IMMP2L: variants seen among roughly 807,000 people sequenced by gnomAD.
IMMP2L encodes inner mitochondrial membrane peptidase subunit 2.
IMMP2L carries 18 observed loss-of-function variants against 19.3 expected under a neutral mutation model. The ratio of observed to expected loss-of-function variants is 0.93; its 90% confidence interval spans 0.64 to 1.38. The LOEUF (loss-of-function observed/expected upper bound fraction) is 1.38. Among genes scored for constraint, IMMP2L ranks in the 40% most tolerant of loss-of-function variants. The pLI is 0.00. For synonymous variants in IMMP2L, 76 were observed against 73.0 expected (o/e 1.04, Z -0.21); for missense variants, 233 against 218.2 (o/e 1.07, Z -0.43).
At chr7:111,515,056 C>T (rs1323399189) in intron 2 of IMMP2L, among the ~76,000 whole-genome samples, 2 of 152,052 alleles carry the variant, frequency 1.3e-5, no homozygotes, top group Non-Finnish European at 2.9e-5. Context: ...TCTAGTTCGG[C>T]TAATGGTTGC....
At chr7:111,222,230 C>T (rs1812593638) in intron 3 of IMMP2L, among the ~76,000 whole-genome samples, 1 of 151,628 alleles carries the variant, frequency 6.6e-6, no homozygotes, top group Admixed American at 6.6e-5. Context: ...TTGATTAGAC[C>T]TAATGTGAAA....
chr7:111,553,433 T>A (rs1790911199), intron 1 of IMMP2L, among the ~76,000 whole-genome samples: 1 of 152,186 alleles, frequency 6.6e-6, no homozygotes, highest in Non-Finnish European at 1.5e-5. Flanking sequence ...ATAATGGGAA[T>A]CTCCAAAATA....
At chr7:110,679,999 A>T (rs897916062) in intron 5 of IMMP2L, among the ~76,000 whole-genome samples, 40 of 152,178 alleles carry the variant, frequency 2.6e-4, no homozygotes, top group African/African-American at 9.7e-4. Flanking sequence ...CATAGGGTCT[A>T]GTACAGGACA....
chr7:111,416,194 T>C (rs1002869164), intron 3 of IMMP2L, among the ~76,000 whole-genome samples: 2 of 151,792 alleles, frequency 1.3e-5, no homozygotes, highest in Non-Finnish European at 1.5e-5. Flanking sequence ...AAAGTACATA[T>C]TGAAACTTTA....
At chr7:111,547,055 T>G (rs1393484598) in intron 1 of IMMP2L, among the ~76,000 whole-genome samples, 2 of 152,154 alleles carry the variant, frequency 1.3e-5, no homozygotes, top group African/African-American at 4.8e-5. Flanking sequence ...AAGTTTTTCT[T>G]AATCTAAGGG....
At chr7:110,696,136 G>A (rs1195475626) in intron 5 of IMMP2L, among the ~76,000 whole-genome samples, 1 of 152,154 alleles carries the variant, frequency 6.6e-6, no homozygotes, top group Non-Finnish European at 1.5e-5. Context: ...AAGACACAGG[G>A]CATGTCACAT....
intron 3 of IMMP2L, among the ~76,000 whole-genome samples, chr7:111,184,327 A>G (rs1194820971): frequency 1.3e-5 from 2 of 152,018 alleles, no homozygotes; most frequent in Non-Finnish European, 2.9e-5. Context: ...TCCATCTAAA[A>G]TGACACCCTG....
chr7:111,148,024 G>A (rs982256114), intron 3 of IMMP2L, among the ~76,000 whole-genome samples: 5 of 151,936 alleles, frequency 3.3e-5, no homozygotes, highest in Non-Finnish European at 5.9e-5. Flanking sequence ...CAAGAGTACC[G>A]AAAACATATG....
intron 5 of IMMP2L, among the ~76,000 whole-genome samples, chr7:110,773,362 A>G (rs993997509): frequency 6.6e-6 from 1 of 152,168 alleles, no homozygotes; most frequent in Non-Finnish European, 1.5e-5. Flanking sequence ...CAAAAAATTC[A>G]GGTGTTAGAA....
intron 3 of IMMP2L, among the ~76,000 whole-genome samples, chr7:111,040,537 C>T (rs1258058384): frequency 2.0e-5 from 3 of 151,164 alleles, no homozygotes; most frequent in Non-Finnish European, 4.4e-5. Flanking sequence ...ATTGTATATC[C>T]TGAAAATCTT....
At chr7:110,886,784 T>C in intron 4 of IMMP2L, 89 bp from the exon 5 acceptor site, 1 of 631,220 alleles carries the variant, frequency 1.6e-6, no homozygotes, top group Non-Finnish European at 2.9e-6. Flanking sequence ...GAAAATATTA[T>C]ATAGATGTTA....
intron 3 of IMMP2L, among the ~76,000 whole-genome samples, chr7:111,146,197 T>C (rs1237145220): frequency 1.4e-5 from 2 of 144,040 alleles, no homozygotes; most frequent in South Asian, 2.2e-4. Flanking sequence ...GTGCTGTTCT[T>C]GTCAATATAA....
At chr7:110,802,323 ATGTGTGTATGTGTGTG>A (rs1450833906) in intron 5 of IMMP2L, among the ~76,000 whole-genome samples, 5 of 74,594 alleles carry the variant, frequency 6.7e-5, no homozygotes, top group South Asian at 6.9e-4. Flanking sequence ...GTATGTGTGT[ATGTGTGTATGTGTGTG>A]TGTGTGTGTG....
intron 5 of IMMP2L, among the ~76,000 whole-genome samples, chr7:110,835,071 A>T (rs1324681251): frequency 6.6e-6 from 1 of 152,174 alleles, no homozygotes; most frequent in Non-Finnish European, 1.5e-5. Flanking sequence ...TAGCCTTAGA[A>T]TCTCACCACC....
chr7:111,024,262 T>C (rs112862739), intron 3 of IMMP2L, among the ~76,000 whole-genome samples: 5 of 152,324 alleles, frequency 3.3e-5, no homozygotes, highest in African/African-American at 1.2e-4. Context: ...AAGTTTTGAC[T>C]TATGTAAACA....
In IMMP2L at chr7:111,445,977, C is replaced by T. The variant is rs865804077; in HGVS notation, c.239+41261G>A. Among the ~76,000 whole-genome samples, 16 of 152,122 alleles carry T rather than the reference C, an allele frequency of 1.1e-4. No homozygotes were observed. In the South Asian group the frequency reaches 2.9e-3, roughly 28 times the overall value. ...ACCTGGAAAATCGGGTCACTCCCAC[C>T]CGAATATTGCGCTTTTCAGACCGGC... is the stretch of plus-strand genomic sequence containing the variant. On this transcript the variant is annotated intron_variant, in intron 3 of 5. Coordinates refer to ENST00000405709, the MANE Select transcript of IMMP2L (RefSeq NM_032549.4).
rs142975123 is a variant in IMMP2L, at chr7:110,893,063, A to G, written c.306-6368T>C. 3.7e-4 allele frequency among the ~76,000 whole-genome samples: 57 copies of G among 152,302 alleles called. 1 individual carries two copies. The East Asian group carries it at 0.01, about 28-fold the overall frequency. Reference sequence around the variant, plus strand: ...TGCAGACCACCTCAATCAATAAATAAAGCAATATTGCAACAAAGAAAGTCA... The same window carrying G: ...TGCAGACCACCTCAATCAATAAATAGAGCAATATTGCAACAAAGAAAGTCA... On this transcript the variant is annotated intron_variant, in intron 4 of 5. Transcript: ENST00000405709.
chr7:111,225,045 C>T (rs543027853), intron 3 of IMMP2L, among the ~76,000 whole-genome samples: 3 of 152,178 alleles, frequency 2.0e-5, no homozygotes, highest in East Asian at 1.9e-4. Flanking sequence ...TGGTTGTTTC[C>T]GTTGCAAGCT....
At chr7:111,309,887 A>T (rs1042131643) in intron 3 of IMMP2L, among the ~76,000 whole-genome samples, 34 of 152,252 alleles carry the variant, frequency 2.2e-4, no homozygotes, top group South Asian at 2.1e-4. Context: ...TTTTGATGGC[A>T]CTATTTCAAT....
Sources: allele counts gnomAD v4.1 joint callset (sites outside exome capture counted in the v4.1 genomes callset), GRCh38; gene constraint gnomAD v4.1.1; transcripts MANE v1.5; gene names NCBI Gene and HGNC (gene_info 2026-07-23, HGNC 2026-07-21).